UACA: variants seen among roughly 807,000 people sequenced by gnomAD.
UACA encodes the protein uveal autoantigen with coiled-coil domains and ankyrin repeats, also known as nuclear membrane binding protein.
In UACA, 112 loss-of-function variants were observed where a neutral mutation model predicts 160.5. The observed-to-expected ratio is 0.70, with a 90% confidence interval of 0.60 to 0.82. The LOEUF is 0.82. Ranked by LOEUF, UACA falls within the 40% of genes least tolerant of loss-of-function variation. The pLI is 0.00. For synonymous variants in UACA, 557 were observed against 568.4 expected (o/e 0.98, Z 0.29); for missense variants, 1,574 against 1,614.6 (o/e 0.97, Z 0.43).
intron 1 of UACA, among the ~76,000 whole-genome samples, chr15:70,750,494 T>C (rs2029979456): frequency 6.6e-6 from 1 of 152,238 alleles, no homozygotes. Context: ...CTCTTCTCTA[T>C]GCCTTTGCTC....
chr15:70,703,180 C>CTGTTGT, intron 1 of UACA: 1 of 1,289,018 alleles, frequency 7.8e-7, no homozygotes, highest in Non-Finnish European at 1.0e-6. Flanking sequence ...TTTGTGGTGG[C>CTGTTGT]TGTTGTTGTT....
chr15:70,712,922 G>A (rs1011753200), intron 1 of UACA, among the ~76,000 whole-genome samples: 41 of 152,166 alleles, frequency 2.7e-4, no homozygotes, highest in African/African-American at 9.4e-4. Flanking sequence ...ATTTGCATAT[G>A]CAAACTTTTA....
At chr15:70,680,708 C>T (rs1897468667) in intron 9 of UACA, among the ~76,000 whole-genome samples, 2 of 152,120 alleles carry the variant, frequency 1.3e-5, no homozygotes, top group Admixed American at 1.3e-4. Context: ...TATCCTAACT[C>T]AGACATACTA....
At chr15:70,758,006 G>T (rs1349705389) in intron 1 of UACA, among the ~76,000 whole-genome samples, 2 of 152,200 alleles carry the variant, frequency 1.3e-5, no homozygotes, top group African/African-American at 4.8e-5. Context: ...TAAGGCAACT[G>T]CTGAGCAAAG....
intron 18 of UACA, among the ~76,000 whole-genome samples, chr15:70,659,409 T>TTG (rs1896615315): frequency 7.6e-6 from 1 of 132,022 alleles, no homozygotes. Flanking sequence ...TTTTTTTTTT[T>TTG]TTTTTTTTTT....
At chr15:70,758,660 AGATT>A (rs2030568665) in intron 1 of UACA, 1 of 152,222 alleles carries the variant, frequency 6.6e-6, no homozygotes, top group African/African-American at 2.4e-5. Context: ...ATGTTTTTGA[AGATT>A]TTTTTCAGTT....
chr15:70,663,332 T>C (rs1167803575), intron 17 of UACA, among the ~76,000 whole-genome samples: 1 of 152,138 alleles, frequency 6.6e-6, no homozygotes, highest in Non-Finnish European at 1.5e-5. Context: ...CCAGTTAGAA[T>C]GGCAATCATT....
intron 17 of UACA, among the ~76,000 whole-genome samples, chr15:70,661,872 G>T (rs1433656365): frequency 7.2e-5 from 11 of 152,102 alleles, no homozygotes; most frequent in African/African-American, 2.7e-4. Context: ...AAAATAATAA[G>T]AGCTATCTAT....
chr15:70,656,899 C>A lies in UACA; in HGVS notation c.*157G>T. The A allele has an allele frequency of 6.1e-6, 3 of 495,610 alleles. No individual in the cohort carries two copies. The highest frequency in any genetic ancestry group is 8.4e-5 in the South Asian group (2 of 23,932). 30.7% of individuals were successfully genotyped at this position (495,610 alleles called of 1,614,324 possible). A position where few individuals can be genotyped will look rare whatever the true frequency, so the allele number is the denominator to read the frequency against. Reference sequence around the variant, plus strand: ...TCAAACTGATATTGAAAAAGACTAACATATTCATCTAATTTTAAAAAAAAA... The same window carrying A: ...TCAAACTGATATTGAAAAAGACTAAAATATTCATCTAATTTTAAAAAAAAA... On this transcript the variant is annotated 3_prime_UTR_variant, in exon 19 of 19. Transcript: ENST00000322954.
At chr15:70,776,796 C>T in the UACA span, among the ~76,000 whole-genome samples, 1 of 143,776 alleles carries the variant, frequency 7.0e-6, no homozygotes, top group African/African-American at 2.9e-5. Context: ...TTCTGAGTCC[C>T]CTAATTTTTT....
intron 16 of UACA, among the ~76,000 whole-genome samples, chr15:70,666,343 C>T (rs957807953): frequency 1.3e-5 from 2 of 152,098 alleles, no homozygotes; most frequent in Non-Finnish European, 2.9e-5. Context: ...GGGTGAGTAC[C>T]GAGATCAACT....
chr15:70,667,432 A>G lies in UACA; in HGVS notation c.3252T>C (p.Asn1084=). ...TTTCTTCTACTAGCTTCTCTTTCAC[A>G]TTCTTTACTTCCGTGTATTTCTGTG... ...DLSQKYTEVK[N]VKEKLVEENA... Residue 1084 remains asparagine, a synonymous_variant, in exon 16 of 19, where the codon AAT becomes AAC. Coordinates refer to ENST00000322954, the MANE Select transcript of UACA (RefSeq NM_018003.4). 2 of 1,610,332 alleles carry G rather than the reference A, an allele frequency of 1.2e-6. No individual in the cohort carries two copies. The highest frequency in any genetic ancestry group is 1.7e-6 in the Non-Finnish European group (2 of 1,179,684).
chr15:70,752,935 T>C lies in UACA; in HGVS notation c.78+10395A>G, dbSNP rs185573782. Among the ~76,000 whole-genome samples, 19 of 152,270 alleles carry C rather than the reference T, an allele frequency of 1.2e-4. No homozygotes were observed. In the East Asian group the frequency reaches 2.3e-3, roughly 19 times the overall value. On this transcript the variant is annotated intron_variant, in intron 1 of 18. Coordinates refer to ENST00000322954, the MANE Select transcript of UACA (RefSeq NM_018003.4). ...AAACAAAAGTTATAATGCAACAAAT[T>C]AGAGGCTTTTATACGACAAGTTACA...
At chr15:70,707,805 G>T (rs1049194449) in intron 1 of UACA, among the ~76,000 whole-genome samples, 4 of 152,150 alleles carry the variant, frequency 2.6e-5, no homozygotes, top group Non-Finnish European at 5.9e-5. Context: ...GTAGAAATTA[G>T]AACCCTTGTG....
chr15:70,719,502 A>T (rs1420120267), intron 1 of UACA, among the ~76,000 whole-genome samples: 1 of 152,114 alleles, frequency 6.6e-6, no homozygotes, highest in Non-Finnish European at 1.5e-5. Flanking sequence ...GCACATCTCA[A>T]CGAGTTGAGG....
chr15:70,686,456 G>C (rs1595887964), intron 7 of UACA, among the ~76,000 whole-genome samples: 1 of 142,930 alleles, frequency 7.0e-6, no homozygotes, highest in East Asian at 2.2e-4. Flanking sequence ...CTTGAGTTAA[G>C]ATAAGGGGAG....
At chr15:70,761,148 C>G (rs2030729675) in intron 1 of UACA, among the ~76,000 whole-genome samples, 1 of 151,876 alleles carries the variant, frequency 6.6e-6, no homozygotes, top group Non-Finnish European at 1.5e-5. Context: ...AGATATGAAA[C>G]AGCAGCTACA....
intron 1 of UACA, among the ~76,000 whole-genome samples, chr15:70,737,023 CG>C (rs1252033223): frequency 6.6e-6 from 1 of 152,058 alleles, no homozygotes; most frequent in East Asian, 1.9e-4. Context: ...GAGGGTGTCT[CG>C]TATCCATCCT....
chr15:70,713,045 G>C (rs1047937865), intron 1 of UACA, among the ~76,000 whole-genome samples: 19 of 152,128 alleles, frequency 1.2e-4, no homozygotes, highest in African/African-American at 2.7e-4. Flanking sequence ...AAACTATCAC[G>C]TAAGAATAGG....
Sources: allele counts gnomAD v4.1 joint callset (sites outside exome capture counted in the v4.1 genomes callset), GRCh38; gene constraint gnomAD v4.1.1; transcripts MANE v1.5; gene names NCBI Gene and HGNC (gene_info 2026-07-23, HGNC 2026-07-21).